Variants in COL5A1 observed in about 807,000 individuals in gnomAD.
COL5A1 encodes the protein collagen alpha-1(V) chain.
In COL5A1, 16 loss-of-function variants were observed where a neutral mutation model predicts 263.7. The observed-to-expected ratio is 0.06, with a 90% CI of 0.04 to 0.09. The LOEUF is 0.09. Among genes scored for constraint, COL5A1 ranks in the 10% least tolerant of loss-of-function variants. The pLI, the probability that COL5A1 is intolerant of heterozygous loss-of-function variation, is 1.00. For synonymous variants in COL5A1, 1,012 were observed against 1,004.5 expected (o/e 1.01, Z -0.14); for missense variants, 2,036 against 2,540.5 (o/e 0.80, Z 4.27).
intron 11 of COL5A1, among the ~76,000 whole-genome samples, chr9:134,744,149 T>C (rs1188089682): frequency 6.6e-6 from 1 of 152,182 alleles, no homozygotes; most frequent in African/African-American, 2.4e-5. Context: ...AGCATGGGAT[T>C]CATTTGCTTT....
In COL5A1 at chr9:134,730,403, C is replaced by T. The variant is rs41306391; in HGVS notation, c.1092C>T (p.Pro364=). 45,038 of 1,614,132 alleles carry T rather than the reference C, an allele frequency of 0.028. 2,976 individuals carry two copies. The highest frequency in any genetic ancestry group is 0.24 in the African/African-American group (18,089 of 74,998). Residue 364 remains proline (P), a synonymous_variant, in exon 7 of 66, where the codon CCC becomes CCT. Coordinates refer to ENST00000371817, the MANE Select transcript of COL5A1 (RefSeq NM_000093.5). The part of the protein sequence containing the change: ...DLTYGEGEEN[P]DQPTDPGAGA... ...CCTATGGCGAGGGGGAGGAGAACCC[C>T]GACCAGCCCACAGACCCAGGCGCTG...
At chr9:134,708,579 G>A in intron 4 of COL5A1, 1 of 518,860 alleles carries the variant, frequency 1.9e-6, no homozygotes, top group South Asian at 1.4e-5. Flanking sequence ...CTGTGTGGCA[G>A]CCCAGACCCC....
In COL5A1 at chr9:134,841,809, G is replaced by A. The variant is rs1156630499; in HGVS notation, c.5371-348G>A. On this transcript the variant is annotated intron_variant, in intron 65 of 65. Coordinates refer to ENST00000371817, the MANE Select transcript of COL5A1 (RefSeq NM_000093.5). The surrounding 1 kb of genome is among the most constrained non-coding windows in gnomAD (Gnocchi z 4.8). ...AGGCTGCCTGGAAGTGAATACCTGGGGCATCACAAGGAGTCTGGACTGGGC... is the reference window on the plus strand; with the variant it reads ...AGGCTGCCTGGAAGTGAATACCTGGAGCATCACAAGGAGTCTGGACTGGGC... Among the ~76,000 whole-genome samples, 1 of 152,094 alleles carries A rather than the reference G, an allele frequency of 6.6e-6. No homozygotes were observed. The highest frequency in any genetic ancestry group is 1.9e-4 in the East Asian group (1 of 5,180).
chr9:134,645,122 CG>C (rs1363735922), intron 1 of COL5A1, among the ~76,000 whole-genome samples: 1 of 152,194 alleles, frequency 6.6e-6, no homozygotes, highest in African/African-American at 2.4e-5. Flanking sequence ...CCCAGCAGTG[CG>C]GCAGCCCCAG....
intron 61 of COL5A1, among the ~76,000 whole-genome samples, chr9:134,823,896 C>A (rs1485428678): frequency 6.6e-6 from 1 of 151,768 alleles, no homozygotes; most frequent in Non-Finnish European, 1.5e-5. Flanking sequence ...GGTATGCATG[C>A]ATATATGTGG....
intron 1 of COL5A1, 117 bp from the exon 2 acceptor site, chr9:134,690,795 G>C: frequency 7.8e-7 from 1 of 1,280,106 alleles, no homozygotes; most frequent in South Asian, 1.2e-5. Context: ...GCTCTTCTGA[G>C]TGCCCAGGAT....
chr9:134,692,459 C>T (rs553762950), intron 2 of COL5A1, among the ~76,000 whole-genome samples: 1 of 152,186 alleles, frequency 6.6e-6, no homozygotes, highest in Admixed American at 6.5e-5. Context: ...CCAGAAATTG[C>T]ACCCTTTTCT....
At chr9:134,804,149 C>A (rs1838209462) in intron 39 of COL5A1, among the ~76,000 whole-genome samples, 2 of 152,066 alleles carry the variant, frequency 1.3e-5, no homozygotes, top group South Asian at 2.1e-4. Flanking sequence ...AAATCACACA[C>A]CCGGGTGTGC....
At chr9:134,688,469 G>GCCT (rs1447347453) in intron 1 of COL5A1, among the ~76,000 whole-genome samples, 2 of 152,242 alleles carry the variant, frequency 1.3e-5, no homozygotes, top group African/African-American at 4.8e-5. Context: ...GCGCGGTGCA[G>GCCT]CCTCACCAGG....
chr9:134,829,751 C>G (rs544773239), intron 63 of COL5A1, among the ~76,000 whole-genome samples: 63 of 152,268 alleles, frequency 4.1e-4, no homozygotes, highest in Middle Eastern at 3.4e-3. Flanking sequence ...GCTCATCCCC[C>G]CAAGGACCTG....
chr9:134,706,130 C>T (rs1269914528), intron 4 of COL5A1, among the ~76,000 whole-genome samples: 1 of 152,186 alleles, frequency 6.6e-6, no homozygotes. Context: ...TCTCATGCTG[C>T]CTGTTCCCAG....
rs548964099 is a variant in COL5A1, at chr9:134,724,493, G to A, written c.655-2773G>A. ...GGCTGGGATTCCCTCCGCCCCGCCC[G>A]TGTGCGCAGTGGTTGTGATGCTCCC... is the stretch of plus-strand genomic sequence containing the variant. On this transcript the variant is annotated intron_variant, in intron 4 of 65. Transcript: ENST00000371817. 2.0e-5 allele frequency among the ~76,000 whole-genome samples: 3 copies of A among 152,272 alleles called. No individual in the cohort carries two copies. In the East Asian group the frequency reaches 5.8e-4, roughly 29 times the overall value.
chr9:134,655,265 C>A (rs995110057), intron 1 of COL5A1, among the ~76,000 whole-genome samples: 22 of 151,846 alleles, frequency 1.4e-4, no homozygotes, highest in Non-Finnish European at 4.4e-5. Flanking sequence ...TTAGGGCCTG[C>A]ACTTTTCTGT....
At chr9:134,651,982 G>A (rs1831704141) in intron 1 of COL5A1, among the ~76,000 whole-genome samples, 4 of 152,172 alleles carry the variant, frequency 2.6e-5, no homozygotes, top group Admixed American at 1.3e-4. Flanking sequence ...TCCTGTGGAC[G>A]TTCCCCTTCC....
At chr9:134,728,850 G>A (rs898906029) in intron 6 of COL5A1, 43 bp downstream of exon 6, 5 of 1,613,284 alleles carry the variant, frequency 3.1e-6, no homozygotes, top group African/African-American at 1.3e-5. Flanking sequence ...GGCCCCTCGA[G>A]GCCATGGTGC....
intron 4 of COL5A1, among the ~76,000 whole-genome samples, chr9:134,701,702 CA>C (rs1184924210): frequency 2.0e-4 from 30 of 152,208 alleles, no homozygotes; most frequent in African/African-American, 6.5e-4. Flanking sequence ...CATCCTGGGA[CA>C]GGGGCAGCTG....
chr9:134,705,107 C>A (rs1322090347), intron 4 of COL5A1, among the ~76,000 whole-genome samples: 1 of 152,208 alleles, frequency 6.6e-6, no homozygotes, highest in African/African-American at 2.4e-5. Flanking sequence ...TTATACTGAA[C>A]AAGGATTCAC....
At chr9:134,803,280 T>G (rs1431672781) in intron 39 of COL5A1, among the ~76,000 whole-genome samples, 2 of 152,120 alleles carry the variant, frequency 1.3e-5, no homozygotes, top group African/African-American at 4.8e-5. Flanking sequence ...CAGAAATGGA[T>G]AAAAAGCTCT....
At position 134,754,159 on chromosome 9, in the gene COL5A1, T is replaced by G; in HGVS notation, c.1774-114T>G. 1 of 1,154,474 alleles carries G rather than the reference T, an allele frequency of 8.7e-7. No individual in the cohort carries two copies. The highest frequency in any genetic ancestry group is 1.3e-6 in the Non-Finnish European group (1 of 781,034). The allele number at this position is 1,154,474 out of a possible 1,614,324, so 71.5% of individuals were successfully genotyped here. A position where few individuals can be genotyped will look rare whatever the true frequency, so the allele number is the denominator to read the frequency against. Reference sequence around the variant, plus strand: ...CCCGTCCCCGAAGTGCCCACATGTTTGTGGCTTGGACAGCCAGGCATGGGC... The same window carrying G: ...CCCGTCCCCGAAGTGCCCACATGTTGGTGGCTTGGACAGCCAGGCATGGGC... On this transcript the variant is annotated intron_variant, in intron 15 of 65. Transcript: ENST00000371817. This position sits in a 1 kb window ranked among gnomAD's most constrained non-coding sequence, Gnocchi z 4.3.
Sources: allele counts gnomAD v4.1 joint callset (sites outside exome capture counted in the v4.1 genomes callset), GRCh38; gene constraint gnomAD v4.1.1; non-coding constraint Gnocchi (gnomAD v3.1); transcripts MANE v1.5; gene names NCBI Gene and HGNC (gene_info 2026-07-23, HGNC 2026-07-21).